The following STPG2 variants were observed in gnomAD, a reference collection of about 807,000 sequenced individuals.
The protein encoded by STPG2 is sperm tail PG-rich repeat containing 2.
Under a neutral mutation model 54.2 loss-of-function variants are expected in STPG2, and 56 were observed. The ratio of observed to expected loss-of-function variants is 1.03; its 90% confidence interval spans 0.83 to 1.29. STPG2 has a LOEUF of 1.29. Among genes scored for constraint, STPG2 ranks in the 50% most tolerant of loss-of-function variants. The pLI is 0.00. For synonymous variants in STPG2, 200 were observed against 181.8 expected (o/e 1.10, Z -0.81); for missense variants, 596 against 544.9 (o/e 1.09, Z -0.93).
chr4:98,069,358 T>C (rs990412730), intron 5 of STPG2, among the ~76,000 whole-genome samples: 1 of 152,076 alleles, frequency 6.6e-6, no homozygotes, highest in Non-Finnish European at 1.5e-5. Context: ...AATAAATAAC[T>C]GTAGGAAACT....
chr4:97,684,429 C>T (rs887116668), intron 10 of STPG2, among the ~76,000 whole-genome samples: 5 of 151,862 alleles, frequency 3.3e-5, no homozygotes, highest in Admixed American at 3.3e-4. Flanking sequence ...AATAGACCAA[C>T]ACAAGTACAG....
At chr4:98,068,788 C>T (rs1737912053) in intron 5 of STPG2, among the ~76,000 whole-genome samples, 1 of 152,062 alleles carries the variant, frequency 6.6e-6, no homozygotes, top group Non-Finnish European at 1.5e-5. Context: ...ACCTACTACA[C>T]ACCTAGGCTA....
chr4:97,800,405 G>A (rs954523606), intron 9 of STPG2, among the ~76,000 whole-genome samples: 1 of 152,250 alleles, frequency 6.6e-6, no homozygotes, highest in Non-Finnish European at 1.5e-5. Flanking sequence ...CTAACGGTCA[G>A]GGCCCTTGGC....
intron 3 of STPG2, among the ~76,000 whole-genome samples, chr4:98,114,479 A>T (rs762581290): frequency 6.6e-6 from 1 of 152,116 alleles, no homozygotes; most frequent in Non-Finnish European, 1.5e-5. Context: ...TTTGTCAAAA[A>T]ATCAGTATTT....
intron 10 of STPG2, among the ~76,000 whole-genome samples, chr4:97,657,509 G>A (rs933728457): frequency 1.3e-5 from 2 of 152,148 alleles, no homozygotes; most frequent in Admixed American, 1.3e-4. Flanking sequence ...TATTTAGAAA[G>A]AAGGAATATT....
chr4:97,639,489 T>C (rs1228097814), intron 10 of STPG2, among the ~76,000 whole-genome samples: 1 of 151,048 alleles, frequency 6.6e-6, no homozygotes, highest in East Asian at 2.0e-4. Context: ...AAACTTAAAG[T>C]ATAATTTAAA....
intron 10 of STPG2, among the ~76,000 whole-genome samples, chr4:97,632,606 A>G (rs564664296): frequency 1.3e-5 from 2 of 152,274 alleles, no homozygotes; most frequent in East Asian, 3.9e-4. Context: ...TAACACATTT[A>G]TTGACTCACA....
chr4:97,619,919 G>A (rs573881400), intron 10 of STPG2, among the ~76,000 whole-genome samples: 1 of 151,646 alleles, frequency 6.6e-6, no homozygotes, highest in South Asian at 2.1e-4. Flanking sequence ...CACCTCCCGG[G>A]TTCACGCCAT....
chr4:98,109,353 T>G, intron 3 of STPG2, 48 bp from the exon 4 acceptor site: 3 of 1,389,082 alleles, frequency 2.2e-6, no homozygotes, highest in Non-Finnish European at 3.0e-6. Flanking sequence ...ATAGTTTAAA[T>G]AAGTCATGAA....
At chr4:97,606,702 ATTG>A (rs1733602609) in intron 10 of STPG2, among the ~76,000 whole-genome samples, 1 of 151,890 alleles carries the variant, frequency 6.6e-6, no homozygotes. Flanking sequence ...GTCCAAATGA[ATTG>A]TTAATGATGG....
chr4:97,839,412 C>T (rs1728727289), intron 9 of STPG2, among the ~76,000 whole-genome samples: 1 of 151,472 alleles, frequency 6.6e-6, no homozygotes. Flanking sequence ...AATTTTTATG[C>T]AGAGGAGAGT....
intron 4 of STPG2, among the ~76,000 whole-genome samples, chr4:97,537,069 C>A (rs1272101358): frequency 6.6e-6 from 1 of 152,122 alleles, no homozygotes; most frequent in Admixed American, 6.5e-5. Flanking sequence ...TAGGGCAGTT[C>A]CAAGATGGCC....
intron 4 of STPG2, among the ~76,000 whole-genome samples, chr4:97,506,377 G>A (rs1022941896): frequency 1.3e-5 from 2 of 151,574 alleles, no homozygotes; most frequent in Non-Finnish European, 2.9e-5. Flanking sequence ...TGGAGGCGCC[G>A]ACCTGAACTT....
At chr4:97,790,192 A>G (rs1190703614) in intron 9 of STPG2, among the ~76,000 whole-genome samples, 3 of 151,972 alleles carry the variant, frequency 2.0e-5, no homozygotes, top group African/African-American at 7.3e-5. Flanking sequence ...GCACATCTGG[A>G]GCAAAGTGCT....
chr4:97,972,903 T>C (rs748872930), intron 6 of STPG2, among the ~76,000 whole-genome samples: 5 of 152,230 alleles, frequency 3.3e-5, no homozygotes, highest in Non-Finnish European at 7.3e-5. Context: ...TTCCCAACCA[T>C]GTGGAACCAT....
At chr4:97,994,667 A>C (rs1352610787) in intron 5 of STPG2, among the ~76,000 whole-genome samples, 1 of 152,128 alleles carries the variant, frequency 6.6e-6, no homozygotes, top group Non-Finnish European at 1.5e-5. Context: ...CAGGTCTCTC[A>C]GCCATGAATA....
At chr4:97,597,496 G>C (rs545262905) in intron 10 of STPG2, among the ~76,000 whole-genome samples, 1 of 152,014 alleles carries the variant, frequency 6.6e-6, no homozygotes, top group African/African-American at 2.4e-5. Flanking sequence ...CGAAACTCTA[G>C]CAAAGAAAAT....
At chr4:98,143,002 G>A in intron 1 of STPG2, 40 bp downstream of exon 1, 1 of 1,544,234 alleles carries the variant, frequency 6.5e-7, no homozygotes, top group Non-Finnish European at 8.9e-7. Flanking sequence ...CTGAAGATAG[G>A]ATGCCTGTCA....
At chr4:97,728,948 A>G (rs1036436438) in intron 9 of STPG2, among the ~76,000 whole-genome samples, 1 of 151,950 alleles carries the variant, frequency 6.6e-6, no homozygotes, top group Non-Finnish European at 1.5e-5. Context: ...AAAGATACAG[A>G]GAGACAAAGA....
Sources: gnomAD v4.1 joint callset for allele counts (sites outside exome capture counted in the v4.1 genomes callset) on GRCh38, gnomAD v4.1.1 for gene constraint, MANE v1.5 for transcripts, NCBI Gene and HGNC (gene_info 2026-07-23, HGNC 2026-07-21) for gene names.